RPS6KC1: variants seen among roughly 807,000 people sequenced by gnomAD.
The protein encoded by RPS6KC1 is inactive ribosomal protein S6 kinase delta-1.
In RPS6KC1, 54 loss-of-function variants were observed where a neutral mutation model predicts 103.8. The observed-to-expected ratio is 0.52, with a 90% CI of 0.42 to 0.65. The LOEUF is 0.65. Ranked by LOEUF, RPS6KC1 falls within the 30% of genes least tolerant of loss-of-function variation. RPS6KC1 has a pLI of 0.00. For missense variants in RPS6KC1, 1,151 were observed against 1,253.8 expected (o/e 0.92, Z 1.24); for synonymous variants, 439 against 438.7 (o/e 1.00, Z -0.01).
At chr1:213,428,527 T>TTC in the RPS6KC1 span, among the ~76,000 whole-genome samples, 76 of 114,898 alleles carry the variant, frequency 6.6e-4, no homozygotes, top group African/African-American at 2.1e-3. Context: ...CCTCTTTCTC[T>TTC]CTCTCTCTCT....
At chr1:213,710,948 AT>A in the RPS6KC1 span, among the ~76,000 whole-genome samples, 1 of 151,760 alleles carries the variant, frequency 6.6e-6, no homozygotes, top group Admixed American at 6.6e-5. Flanking sequence ...TGCCCTTAAC[AT>A]TTTTTCCTTC....
chr1:213,130,299 T>C (rs1189012646), intron 6 of RPS6KC1, among the ~76,000 whole-genome samples: 1 of 152,226 alleles, frequency 6.6e-6, no homozygotes, highest in Non-Finnish European at 1.5e-5. Context: ...TAAAAGATTC[T>C]TGGGTTTGCC....
chr1:213,717,349 G>A, the RPS6KC1 span, among the ~76,000 whole-genome samples: 1 of 152,206 alleles, frequency 6.6e-6, no homozygotes, highest in African/African-American at 2.4e-5. Flanking sequence ...TAAATTCTGT[G>A]ATGGACTTTG....
At chr1:213,490,756 G>T in the RPS6KC1 span, among the ~76,000 whole-genome samples, 1 of 152,160 alleles carries the variant, frequency 6.6e-6, no homozygotes, top group African/African-American at 2.4e-5. Context: ...CTGAAAAGCT[G>T]CTTGCTTTAA....
the RPS6KC1 span, among the ~76,000 whole-genome samples, chr1:213,482,083 C>G: frequency 6.6e-6 from 1 of 152,186 alleles, no homozygotes; most frequent in Non-Finnish European, 1.5e-5. Context: ...GAATCCTCCC[C>G]AGAAGCGAAG....
chr1:213,775,693 G>A, the RPS6KC1 span, among the ~76,000 whole-genome samples: 7 of 152,158 alleles, frequency 4.6e-5, no homozygotes, highest in Admixed American at 2.6e-4. Flanking sequence ...ATTGGGGCAA[G>A]AGTGGCAATT....
At chr1:213,359,509 C>T in the RPS6KC1 span, among the ~76,000 whole-genome samples, 747 of 152,216 alleles carry the variant, frequency 4.9e-3, 3 homozygotes, top group Non-Finnish European at 8.5e-3. Flanking sequence ...ACTCTTTATC[C>T]AATTTGCCAG....
the RPS6KC1 span, among the ~76,000 whole-genome samples, chr1:213,312,939 T>C: frequency 6.6e-6 from 1 of 152,202 alleles, no homozygotes; most frequent in Non-Finnish European, 1.5e-5. Flanking sequence ...AAAGTTAAGG[T>C]TCTCATGATT....
chr1:213,706,085 T>C, the RPS6KC1 span, among the ~76,000 whole-genome samples: 63 of 152,266 alleles, frequency 4.1e-4, no homozygotes, highest in East Asian at 0.012. Flanking sequence ...TCCTTAGCCT[T>C]CCTGGCTGAT....
chr1:213,556,832 G>C, the RPS6KC1 span, among the ~76,000 whole-genome samples: 1 of 152,180 alleles, frequency 6.6e-6, no homozygotes, highest in Non-Finnish European at 1.5e-5. Flanking sequence ...GTCAGGTCAG[G>C]AAGCTAACCC....
At chr1:213,141,594 C>A (rs1460880161) in intron 6 of RPS6KC1, among the ~76,000 whole-genome samples, 1 of 151,782 alleles carries the variant, frequency 6.6e-6, no homozygotes, top group African/African-American at 2.4e-5. Context: ...TTAAAAAAGT[C>A]GTTTGTATGG....
At chr1:213,293,468 G>A in the RPS6KC1 span, among the ~76,000 whole-genome samples, 5,389 of 152,276 alleles carry the variant, frequency 0.035, 126 homozygotes, top group Middle Eastern at 0.061. Flanking sequence ...TTTGAGAAGA[G>A]TAGGTGGCAG....
the RPS6KC1 span, among the ~76,000 whole-genome samples, chr1:213,319,380 G>A: frequency 6.6e-6 from 1 of 151,680 alleles, no homozygotes; most frequent in Non-Finnish European, 1.5e-5. Context: ...TGTGTTGGAG[G>A]AAAGGAGGCT....
At chr1:213,639,408 G>A in the RPS6KC1 span, among the ~76,000 whole-genome samples, 1 of 152,024 alleles carries the variant, frequency 6.6e-6, no homozygotes, top group Non-Finnish European at 1.5e-5. Flanking sequence ...GGATCTCCTA[G>A]ATGGACATCC....
chr1:213,595,912 C>T, the RPS6KC1 span, among the ~76,000 whole-genome samples: 1 of 152,114 alleles, frequency 6.6e-6, no homozygotes, highest in Admixed American at 6.5e-5. Flanking sequence ...CTAAACGTGG[C>T]AGAATGCCCA....
At chr1:213,302,246 C>T in the RPS6KC1 span, among the ~76,000 whole-genome samples, 1 of 152,164 alleles carries the variant, frequency 6.6e-6, no homozygotes, top group Non-Finnish European at 1.5e-5. Context: ...ATATCCTCTG[C>T]CTGTCTATGC....
chr1:213,374,916 A>G, the RPS6KC1 span, among the ~76,000 whole-genome samples: 2 of 152,284 alleles, frequency 1.3e-5, no homozygotes, highest in East Asian at 1.9e-4. Context: ...AAAGGCGAAC[A>G]GTTTCCAGGA....
chr1:213,859,037 G>C, the RPS6KC1 span, among the ~76,000 whole-genome samples: 1 of 151,998 alleles, frequency 6.6e-6, no homozygotes, highest in Non-Finnish European at 1.5e-5. Flanking sequence ...TTTTTTTCCT[G>C]CATGTCCCAA....
the RPS6KC1 span, among the ~76,000 whole-genome samples, chr1:213,805,900 A>G: frequency 2.6e-5 from 4 of 152,256 alleles, no homozygotes; most frequent in Non-Finnish European, 5.9e-5. Flanking sequence ...ATGTTGTGTT[A>G]GCAGGCATGA....
Sources: gnomAD v4.1 joint callset for allele counts (sites outside exome capture counted in the v4.1 genomes callset) on GRCh38, gnomAD v4.1.1 for gene constraint, MANE v1.5 for transcripts, NCBI Gene and HGNC (gene_info 2026-07-23, HGNC 2026-07-21) for gene names.